L3MBTL4: variants seen among roughly 807,000 people sequenced by gnomAD.
The protein encoded by L3MBTL4 is lethal(3)malignant brain tumor-like protein 4.
L3MBTL4 carries 70 observed loss-of-function variants against 84.5 expected under a neutral mutation model. The observed-to-expected ratio is 0.83, with a 90% CI of 0.68 to 1.01. The LOEUF (loss-of-function observed/expected upper bound fraction) is 1.01. Among genes scored for constraint, L3MBTL4 ranks in the 50% least tolerant of loss-of-function variants. The pLI, the probability that L3MBTL4 is intolerant of heterozygous loss-of-function variation, is 0.00. For missense variants in L3MBTL4, 715 were observed against 754.8 expected, an observed-to-expected ratio of 0.95 and a Z score of 0.62; for synonymous variants, 274 against 259.8, an observed-to-expected ratio of 1.05 and a Z score of -0.52.
At chr18:5,961,901 G>T (rs2095265326) in intron 17 of L3MBTL4, among the ~76,000 whole-genome samples, 2 of 152,200 alleles carry the variant, frequency 1.3e-5, no homozygotes, top group African/African-American at 4.8e-5. Context: ...GGCAGGTGAT[G>T]GCAGTGGCAG....
intron 1 of L3MBTL4, among the ~76,000 whole-genome samples, chr18:6,382,847 G>C (rs1418631427): frequency 6.6e-6 from 1 of 152,192 alleles, no homozygotes; most frequent in African/African-American, 2.4e-5. Flanking sequence ...TGCTGTGCTG[G>C]GAGGTCCACT....
At chr18:6,140,985 T>C (rs73381922) in intron 13 of L3MBTL4, among the ~76,000 whole-genome samples, 2,293 of 151,662 alleles carry the variant, frequency 0.015, 60 homozygotes, top group African/African-American at 0.052. Context: ...CACAAATTTA[T>C]GGTTTATATA....
intron 13 of L3MBTL4, among the ~76,000 whole-genome samples, chr18:6,167,815 A>T (rs2043752289): frequency 6.6e-6 from 1 of 152,192 alleles, no homozygotes; most frequent in African/African-American, 2.4e-5. Context: ...ATAGTATTGG[A>T]AGTTCTGGCC....
intron 14 of L3MBTL4, among the ~76,000 whole-genome samples, chr18:6,094,604 A>G (rs1373178522): frequency 1.3e-5 from 2 of 152,170 alleles, no homozygotes; most frequent in African/African-American, 4.8e-5. Context: ...CCTACTCACT[A>G]TGAATTTGCT....
At chr18:5,968,552 C>G (rs34200101) in intron 17 of L3MBTL4, among the ~76,000 whole-genome samples, 8,154 of 151,962 alleles carry the variant, frequency 0.054, 326 homozygotes, top group Non-Finnish European at 0.084. Flanking sequence ...AAAAAATTAG[C>G]TAGGTGTGGT....
At chr18:6,183,680 A>G (rs2044588614) in intron 12 of L3MBTL4, among the ~76,000 whole-genome samples, 1 of 152,232 alleles carries the variant, frequency 6.6e-6, no homozygotes, top group African/African-American at 2.4e-5. Flanking sequence ...TCAAACTAAG[A>G]AAAGTTGGTT....
rs75169205 is a variant in L3MBTL4, at chr18:6,290,274, GT to G, written c.127+11628del. Among the ~76,000 whole-genome samples the G allele has an allele frequency of 5.2e-3, 734 of 140,474 alleles. 1 individual carries two copies. The highest frequency in any genetic ancestry group is 0.012 in the East Asian group (56 of 4,806). The allele number at this position is 140,474 out of a possible 152,430, so 92.2% of individuals were successfully genotyped here. On this transcript the variant is annotated intron_variant, in intron 4 of 18. Coordinates refer to ENST00000317931, the MANE Select transcript of L3MBTL4 (RefSeq NM_001330559.2). ...AAAGGAACAATCAGACTGCAGAAGG[GT>G]TTTTTTTTTTTTTTACCTTTTTGGT...
chr18:5,955,329 A>G lies in L3MBTL4; in HGVS notation c.*891T>C, dbSNP rs2095220984. 6.6e-6 allele frequency: 1 copy of G among 152,252 alleles called. No individual in the cohort carries two copies. The highest frequency in any genetic ancestry group is 6.5e-5 in the Admixed American group (1 of 15,282). 9.4% of individuals were successfully genotyped at this position (152,252 alleles called of 1,614,324 possible). ...AAAGATGCACACAGCCCCAGATGTA[A>G]TATAACACAGCTCCTTATTACAGGG... On this transcript the variant is annotated 3_prime_UTR_variant, in exon 19 of 19. Transcript: ENST00000317931.
At chr18:5,974,438 A>ACG (rs570197921) in intron 16 of L3MBTL4, among the ~76,000 whole-genome samples, 2,236 of 139,788 alleles carry the variant, frequency 0.016, 55 homozygotes, top group African/African-American at 0.058. Flanking sequence ...CAATAAACAC[A>ACG]CTGGAACCTG....
chr18:6,326,497 T>C (rs902907011), intron 1 of L3MBTL4: 3 of 152,214 alleles, frequency 2.0e-5, no homozygotes, highest in Non-Finnish European at 4.4e-5. Flanking sequence ...GAGCATCCAA[T>C]TGACCAATCT....
intron 6 of L3MBTL4, 65 bp downstream of exon 6, chr18:6,244,419 A>C (rs889244755): frequency 1.9e-6 from 2 of 1,030,472 alleles, no homozygotes; most frequent in African/African-American, 3.2e-5. Context: ...CAAATTTGTT[A>C]TTTTCTAGAA....
chr18:6,185,600 A>T (rs879817434), intron 12 of L3MBTL4, among the ~76,000 whole-genome samples: 2 of 152,168 alleles, frequency 1.3e-5, no homozygotes, highest in Non-Finnish European at 2.9e-5. Flanking sequence ...ACCCTGCCCA[A>T]ACGTCATAAA....
chr18:6,055,810 A>G (rs547769650), intron 16 of L3MBTL4, among the ~76,000 whole-genome samples: 2 of 152,294 alleles, frequency 1.3e-5, no homozygotes, highest in South Asian at 4.2e-4. Flanking sequence ...TCAGACCCCC[A>G]GGGAAGGATC....
chr18:6,004,560 C>T (rs1330571654), intron 16 of L3MBTL4, among the ~76,000 whole-genome samples: 1 of 152,204 alleles, frequency 6.6e-6, no homozygotes, highest in Non-Finnish European at 1.5e-5. Context: ...AGAATTATCT[C>T]TCTTCACAGA....
intron 3 of L3MBTL4, among the ~76,000 whole-genome samples, chr18:6,306,456 T>C (rs753363869): frequency 3.9e-5 from 6 of 152,206 alleles, no homozygotes; most frequent in Non-Finnish European, 7.3e-5. Flanking sequence ...TTACTGACTG[T>C]TGTAAACTGG....
chr18:6,043,553 A>G (rs2056493353), intron 16 of L3MBTL4, among the ~76,000 whole-genome samples: 1 of 152,196 alleles, frequency 6.6e-6, no homozygotes, highest in African/African-American at 2.4e-5. Flanking sequence ...TATCTTTGGA[A>G]TAAATAGGCT....
intron 16 of L3MBTL4, among the ~76,000 whole-genome samples, chr18:6,066,920 G>GT (rs778380283): frequency 0.11 from 15,157 of 136,218 alleles, 1,167 homozygotes; most frequent in African/African-American, 0.24. Flanking sequence ...TAGATACTTT[G>GT]TTTTTTTTTT....
intron 16 of L3MBTL4, among the ~76,000 whole-genome samples, chr18:6,059,018 T>C (rs1398909408): frequency 1.3e-5 from 2 of 152,236 alleles, no homozygotes; most frequent in African/African-American, 4.8e-5. Flanking sequence ...CCCACAGCTC[T>C]GCACAGTCAA....
chr18:6,043,075 C>T (rs2056470395), intron 16 of L3MBTL4, among the ~76,000 whole-genome samples: 1 of 152,144 alleles, frequency 6.6e-6, no homozygotes, highest in Admixed American at 6.5e-5. Context: ...TCTCACACCC[C>T]CATTATCCAA....
Sources: allele counts gnomAD v4.1 joint callset (sites outside exome capture counted in the v4.1 genomes callset), GRCh38; gene constraint gnomAD v4.1.1; transcripts MANE v1.5; gene names NCBI Gene and HGNC (gene_info 2026-07-23, HGNC 2026-07-21).